Variants in ATP10B observed in about 807,000 individuals in gnomAD.
The protein encoded by ATP10B is ATPase phospholipid transporting 10B (putative), also known as phospholipid-transporting ATPase VB.
ATP10B carries 122 observed loss-of-function variants against 141.2 expected under a neutral mutation model. The observed-to-expected ratio is 0.86, with a 90% CI of 0.75 to 1.00. The LOEUF is 1.00. Among genes scored for constraint, ATP10B ranks in the 50% least tolerant of loss-of-function variants. ATP10B has a pLI of 0.00. For missense variants in ATP10B, 1,876 were observed against 1,825.3 expected (o/e 1.03, Z -0.51); for synonymous variants, 685 against 692.0 (o/e 0.99, Z 0.16).
chr5:160,846,333 T>C (rs1776116272), intron 1 of ATP10B, among the ~76,000 whole-genome samples: 1 of 152,208 alleles, frequency 6.6e-6, no homozygotes, highest in Non-Finnish European at 1.5e-5. Flanking sequence ...ACAGGAACTA[T>C]ATACTAGTCA....
intron 1 of ATP10B, among the ~76,000 whole-genome samples, chr5:160,824,498 C>T (rs1474576686): frequency 2.6e-5 from 4 of 152,046 alleles, no homozygotes; most frequent in African/African-American, 7.2e-5. Flanking sequence ...TAACAATGGG[C>T]CAACAATCTG....
At chr5:160,799,070 G>A (rs978586492) in intron 1 of ATP10B, among the ~76,000 whole-genome samples, 5 of 152,088 alleles carry the variant, frequency 3.3e-5, no homozygotes, top group Non-Finnish European at 5.9e-5. Flanking sequence ...CTGTTTCATC[G>A]TTAGTGAAAT....
intron 24 of ATP10B, among the ~76,000 whole-genome samples, chr5:160,583,473 C>T (rs567864999): frequency 1.3e-4 from 20 of 152,316 alleles, no homozygotes; most frequent in African/African-American, 4.3e-4. Context: ...CCACCAGATG[C>T]CAGCCAGAAC....
chr5:160,609,272 T>C (rs766995622), intron 18 of ATP10B, among the ~76,000 whole-genome samples: 7 of 152,188 alleles, frequency 4.6e-5, no homozygotes, highest in East Asian at 1.9e-4. Context: ...ACAAGTCATA[T>C]ACAGATTTTG....
At chr5:160,900,792 A>AT in the ATP10B span, among the ~76,000 whole-genome samples, 1,896 of 112,500 alleles carry the variant, frequency 0.017, 43 homozygotes, top group African/African-American at 0.05. Context: ...TAAGATTTAC[A>AT]TTTTTTTTTT....
At chr5:160,919,039 C>G in the ATP10B span, among the ~76,000 whole-genome samples, 2 of 150,602 alleles carry the variant, frequency 1.3e-5, no homozygotes, top group East Asian at 2.0e-4. Flanking sequence ...TCCTGGCTAA[C>G]ACGGTGAAAC....
chr5:160,909,968 A>C, the ATP10B span, among the ~76,000 whole-genome samples: 1 of 152,188 alleles, frequency 6.6e-6, no homozygotes, highest in East Asian at 1.9e-4. Flanking sequence ...ATGATCTTGA[A>C]GAAGGCACTT....
chr5:160,587,396 G>A (rs1755979074), intron 24 of ATP10B, among the ~76,000 whole-genome samples: 1 of 152,042 alleles, frequency 6.6e-6, no homozygotes, highest in South Asian at 2.1e-4. Flanking sequence ...TTTTACTTAG[G>A]ATTTTCTTGG....
intron 14 of ATP10B, among the ~76,000 whole-genome samples, chr5:160,621,306 G>A (rs899861329): frequency 5.3e-5 from 8 of 152,168 alleles, no homozygotes; most frequent in African/African-American, 1.9e-4. Context: ...TGAGGACATT[G>A]AGGTACAAAA....
chr5:160,750,676 C>T (rs745975154), intron 2 of ATP10B, among the ~76,000 whole-genome samples: 12 of 152,184 alleles, frequency 7.9e-5, no homozygotes, highest in Non-Finnish European at 1.5e-4. Context: ...GCTTCACATG[C>T]TTTAATGGCT....
At chr5:160,788,117 A>G (rs1771302017) in intron 1 of ATP10B, among the ~76,000 whole-genome samples, 1 of 152,144 alleles carries the variant, frequency 6.6e-6, no homozygotes, top group Admixed American at 6.5e-5. Context: ...CCTACTCTCC[A>G]GTGAGATGAC....
At chr5:160,892,725 A>G in the ATP10B span, among the ~76,000 whole-genome samples, 3 of 152,208 alleles carry the variant, frequency 2.0e-5, no homozygotes, top group Non-Finnish European at 2.9e-5. Flanking sequence ...GTAAAAAACG[A>G]TAATAAGAGA....
At chr5:160,912,372 T>C in the ATP10B span, among the ~76,000 whole-genome samples, 1 of 144,656 alleles carries the variant, frequency 6.9e-6, no homozygotes, top group East Asian at 2.0e-4. Flanking sequence ...AGTCCAGGAG[T>C]TTGAGACCAG....
chr5:160,755,814 CAAAAAAAAAAA>C (rs763385041), intron 2 of ATP10B, among the ~76,000 whole-genome samples: 11 of 48,174 alleles, frequency 2.3e-4, no homozygotes, highest in African/African-American at 6.6e-5. Context: ...GACTCCGTCT[CAAAAAAAAAAA>C]AAAAAAAAAA....
chr5:160,914,118 CAT>C, the ATP10B span, among the ~76,000 whole-genome samples: 1 of 152,134 alleles, frequency 6.6e-6, no homozygotes, highest in Non-Finnish European at 1.5e-5. Flanking sequence ...TATATGTCTA[CAT>C]ATGTGTGTGT....
intron 13 of ATP10B, among the ~76,000 whole-genome samples, chr5:160,629,927 G>C (rs1454146590): frequency 1.3e-5 from 2 of 152,178 alleles, no homozygotes; most frequent in African/African-American, 4.8e-5. Context: ...AGAATTGTAA[G>C]TAAAGTATTT....
At chr5:160,847,742 C>T (rs1776214833) in intron 1 of ATP10B, among the ~76,000 whole-genome samples, 1 of 152,128 alleles carries the variant, frequency 6.6e-6, no homozygotes, top group Non-Finnish European at 1.5e-5. Flanking sequence ...TAAATGAATG[C>T]ATCAGCAATT....
At chr5:160,780,244 A>T (rs1004222002) in intron 2 of ATP10B, among the ~76,000 whole-genome samples, 1 of 152,170 alleles carries the variant, frequency 6.6e-6, no homozygotes, top group Non-Finnish European at 1.5e-5. Context: ...ATAAGCCTAG[A>T]AGTAGAAGCT....
intron 2 of ATP10B, among the ~76,000 whole-genome samples, chr5:160,732,410 T>A (rs1766811107): frequency 6.6e-6 from 1 of 152,258 alleles, no homozygotes; most frequent in African/African-American, 2.4e-5. Flanking sequence ...CTATGTTTTC[T>A]TCTAGTAGTT....
Sources: allele counts gnomAD v4.1 joint callset (sites outside exome capture counted in the v4.1 genomes callset), GRCh38; gene constraint gnomAD v4.1.1; transcripts MANE v1.5; gene names NCBI Gene and HGNC (gene_info 2026-07-23, HGNC 2026-07-21).